The following SCYL2 variants were observed in gnomAD, a reference collection of about 807,000 sequenced individuals.
SCYL2 encodes SCY1-like protein 2.
A neutral mutation model predicts 100.4 loss-of-function variants in SCYL2; 36 were observed. The observed-to-expected ratio is 0.36, with a 90% CI of 0.27 to 0.47. The LOEUF (loss-of-function observed/expected upper bound fraction) is 0.47. SCYL2 is among the 20% of genes least tolerant of loss of function. The probability of loss-of-function intolerance (pLI) is 1.00; values close to 1 mark genes in which losing one functional copy is unlikely to be tolerated. For synonymous variants in SCYL2, 330 were observed against 359.2 expected, an observed-to-expected ratio of 0.92 and a Z score of 0.92; for missense variants, 902 against 1,083.9, an observed-to-expected ratio of 0.83 and a Z score of 2.36.
intron 3 of SCYL2, among the ~76,000 whole-genome samples, chr12:100,293,371 A>G (rs1185435779): frequency 6.6e-6 from 1 of 152,154 alleles, no homozygotes; most frequent in Non-Finnish European, 1.5e-5. Flanking sequence ...CCTGTATCCC[A>G]AAGTAGACTG....
At chr12:100,320,621 G>A (rs1461275461) in intron 10 of SCYL2, among the ~76,000 whole-genome samples, 1 of 151,708 alleles carries the variant, frequency 6.6e-6, no homozygotes, top group Admixed American at 6.6e-5. Flanking sequence ...CTCCTCTTCG[G>A]GAGAGAGCTC....
chr12:100,335,502 G>T (rs1383463529), intron 14 of SCYL2, 123 bp from the exon 15 acceptor site: 3 of 650,816 alleles, frequency 4.6e-6, no homozygotes, highest in South Asian at 2.3e-5. Flanking sequence ...TGGAAAAGAT[G>T]ACTCTTCTTA....
intron 1 of SCYL2, among the ~76,000 whole-genome samples, chr12:100,274,269 A>G (rs963106734): frequency 6.6e-6 from 1 of 152,018 alleles, no homozygotes; most frequent in East Asian, 1.9e-4. Flanking sequence ...TTTGAATAAC[A>G]TGTGCTCCTC....
chr12:100,331,670 G>T (rs1287272167), intron 13 of SCYL2, among the ~76,000 whole-genome samples: 1 of 151,902 alleles, frequency 6.6e-6, no homozygotes, highest in Non-Finnish European at 1.5e-5. Flanking sequence ...TGGGGTGGGG[G>T]GAGTGGCTAT....
chr12:100,304,566 C>T (rs916422112), intron 4 of SCYL2, among the ~76,000 whole-genome samples: 1 of 152,186 alleles, frequency 6.6e-6, no homozygotes, highest in Non-Finnish European at 1.5e-5. Flanking sequence ...CACTGTGCTT[C>T]AGCTTGCCCT....
chr12:100,333,012 G>A (rs1226315098), intron 13 of SCYL2, among the ~76,000 whole-genome samples: 3 of 151,912 alleles, frequency 2.0e-5, no homozygotes, highest in East Asian at 3.9e-4. Context: ...CACATGCCTG[G>A]ACCGATGTTG....
chr12:100,285,716 G>A (rs1479319519), intron 2 of SCYL2, among the ~76,000 whole-genome samples: 1 of 152,074 alleles, frequency 6.6e-6, no homozygotes, highest in Non-Finnish European at 1.5e-5. Context: ...TCTGTTAATA[G>A]CTTTCTAACT....
intron 4 of SCYL2, among the ~76,000 whole-genome samples, chr12:100,307,972 A>G (rs1355508225): frequency 2.0e-5 from 3 of 152,236 alleles, no homozygotes; most frequent in African/African-American, 7.2e-5. Flanking sequence ...GGCAATCATT[A>G]AAACGTCAGG....
chr12:100,331,075 C>T (rs145287088), intron 13 of SCYL2, among the ~76,000 whole-genome samples: 2 of 152,148 alleles, frequency 1.3e-5, no homozygotes, highest in East Asian at 3.9e-4. Context: ...ATCTGCTTGC[C>T]TCGGCCTCCC....
intron 4 of SCYL2, among the ~76,000 whole-genome samples, chr12:100,308,654 CA>C (rs1555319465): frequency 1.3e-5 from 2 of 152,066 alleles, no homozygotes; most frequent in Non-Finnish European, 2.9e-5. Flanking sequence ...ACAACAACAA[CA>C]AAAAAGAAAG....
At chr12:100,315,780 T>C in intron 9 of SCYL2, 46 bp downstream of exon 9, 1 of 1,286,934 alleles carries the variant, frequency 7.8e-7, no homozygotes, top group Non-Finnish European at 1.1e-6. Flanking sequence ...TTATTTATGA[T>C]TGTGACTATC....
rs565236727 is a variant in SCYL2 at position 100,334,510 on chromosome 12, A to G, written c.1862+244A>G. 4.6e-5 allele frequency among the ~76,000 whole-genome samples: 7 copies of G among 152,226 alleles called. No individual in the cohort carries two copies. The East Asian group carries it at 1.3e-3, about 29-fold the overall frequency. ...GGTATAATTTTAGCATTTTATCTAC[A>G]TAAAGAAAATTCTGTTTCTGAAAAA... On this transcript the variant is annotated intron_variant, in intron 14 of 17. Coordinates refer to ENST00000360820, the MANE Select transcript of SCYL2 (RefSeq NM_017988.6).
At chr12:100,316,542 A>G (rs2096348960) in intron 9 of SCYL2, among the ~76,000 whole-genome samples, 2 of 152,226 alleles carry the variant, frequency 1.3e-5, no homozygotes, top group South Asian at 4.1e-4. Context: ...TGGTTTTATG[A>G]TTCTTTGTAG....
chr12:100,314,826 A>G (rs550055357), intron 8 of SCYL2, among the ~76,000 whole-genome samples: 1 of 152,342 alleles, frequency 6.6e-6, no homozygotes, highest in South Asian at 2.1e-4. Context: ...AAGGATACTA[A>G]CTAGGCAGAG....
At chr12:100,310,474 T>A (rs1483230443) in intron 4 of SCYL2, among the ~76,000 whole-genome samples, 1 of 152,240 alleles carries the variant, frequency 6.6e-6, no homozygotes, top group East Asian at 1.9e-4. Context: ...CAGTGTGCAT[T>A]GGCTTGCCAA....
chr12:100,294,255 G>A (rs2096314533), intron 3 of SCYL2, among the ~76,000 whole-genome samples: 1 of 137,322 alleles, frequency 7.3e-6, no homozygotes, highest in Non-Finnish European at 1.6e-5. Flanking sequence ...CAGGTGGGGG[G>A]CTGACCCCCC....
chr12:100,335,899 A>T lies in SCYL2; in HGVS notation c.2018A>T (p.His673Leu). 1 of 1,611,016 alleles carries T rather than the reference A, an allele frequency of 6.2e-7. No individual in the cohort carries two copies. The highest frequency in any genetic ancestry group is 8.5e-7 in the Non-Finnish European group (1 of 1,177,394). ...AAAGAGGACGGGTTACAGAATAAAC[A>T]TAAAAGAGTGAGTTTCCTTACTGTT... ...ENKEDGLQNK[H>L]KRASLTLEEK... The change falls in exon 16 of 18, where the codon CAT (histidine) becomes CTT (leucine). Residue 673 changes from histidine (H) to leucine (L), a missense_variant. His to Leu is a moderately conservative substitution (Grantham distance 99). Coordinates refer to ENST00000360820, the MANE Select transcript of SCYL2 (RefSeq NM_017988.6).
chr12:100,287,218 A>G (rs926694547), intron 2 of SCYL2, among the ~76,000 whole-genome samples: 2 of 152,206 alleles, frequency 1.3e-5, no homozygotes, highest in Non-Finnish European at 2.9e-5. Context: ...TTACTTAAGT[A>G]TCTTGTTATC....
chr12:100,296,506 C>T (rs936958635), intron 3 of SCYL2, among the ~76,000 whole-genome samples: 7 of 151,944 alleles, frequency 4.6e-5, no homozygotes, highest in Non-Finnish European at 1.0e-4. Flanking sequence ...GGAATATTGT[C>T]GTATGGCAGG....
Sources: allele counts gnomAD v4.1 joint callset (sites outside exome capture counted in the v4.1 genomes callset), GRCh38; gene constraint gnomAD v4.1.1; transcripts MANE v1.5; gene names NCBI Gene and HGNC (gene_info 2026-07-23, HGNC 2026-07-21).